Variants in DPP6 observed in about 807,000 individuals in gnomAD.
DPP6 encodes dipeptidyl peptidase like 6.
DPP6 carries 69 observed loss-of-function variants against 122.6 expected under a neutral mutation model. That is an observed-to-expected ratio of 0.56 (90% CI 0.46 to 0.69). The LOEUF (loss-of-function observed/expected upper bound fraction) is 0.69. Ranked by LOEUF, DPP6 falls within the 30% of genes least tolerant of loss-of-function variation. The pLI is 0.00. For synonymous variants in DPP6, 418 were observed against 433.1 expected, an observed-to-expected ratio of 0.97 and a Z score of 0.43; for missense variants, 928 against 1,116.9, an observed-to-expected ratio of 0.83 and a Z score of 2.41.
In DPP6 at chr7:154,540,621, A is replaced by C; in HGVS notation, c.547A>C (p.Lys183Gln). 6.4e-7 allele frequency: 1 copy of C among 1,561,048 alleles called. No homozygotes were observed. Among genetic ancestry groups the C allele is most frequent in the Non-Finnish European group, 8.7e-7 (1 of 1,150,138 alleles). The stretch of plus-strand genomic sequence containing the variant: ...TTCTACTGTCTTAATAGAAGGCAAA[A>C]AAATTGTAAGTACTCTCTTTAATGA... ...NTSTVLIEGKKIESLRAIRYE... is the reference protein window; with the variant it reads ...NTSTVLIEGKQIESLRAIRYE... Residue 183 changes from lysine (K) to glutamine (Q), a missense_variant, in exon 4 of 26, where the codon AAA becomes CAA. Transcript: ENST00000377770.
intron 7 of DPP6, among the ~76,000 whole-genome samples, chr7:154,686,456 C>A (rs79497559): frequency 1.3e-5 from 2 of 151,136 alleles, no homozygotes; most frequent in African/African-American, 4.9e-5. Flanking sequence ...GGATGTCTCC[C>A]GATACAGCAT....
At chr7:154,231,446 G>C (rs557041849) in intron 1 of DPP6, among the ~76,000 whole-genome samples, 1 of 152,302 alleles carries the variant, frequency 6.6e-6, no homozygotes, top group Non-Finnish European at 1.5e-5. Flanking sequence ...GCATCAGGCA[G>C]TATGATTAGA....
At chr7:154,034,260 A>G (rs1799405745) in intron 1 of DPP6, among the ~76,000 whole-genome samples, 2 of 152,220 alleles carry the variant, frequency 1.3e-5, no homozygotes, top group South Asian at 2.1e-4. Context: ...GCTAGTATGA[A>G]TCTTGACTTA....
intron 1 of DPP6, among the ~76,000 whole-genome samples, chr7:154,083,458 C>T (rs1363897557): frequency 6.6e-6 from 1 of 151,214 alleles, no homozygotes; most frequent in East Asian, 2.0e-4. Flanking sequence ...GCCATCCTCC[C>T]TACCCACCTC....
chr7:154,511,785 T>C (rs1268370894), intron 3 of DPP6, among the ~76,000 whole-genome samples: 1 of 152,194 alleles, frequency 6.6e-6, no homozygotes, highest in Non-Finnish European at 1.5e-5. Context: ...AATTATGATC[T>C]TACCATAGTG....
chr7:153,886,380 G>T (rs1399404640), upstream of DPP6, among the ~76,000 whole-genome samples: 1 of 152,156 alleles, frequency 6.6e-6, no homozygotes, highest in African/African-American at 2.4e-5. Flanking sequence ...TCTTGGGGTG[G>T]AGGTTAGAGA....
At chr7:154,133,511 G>A (rs1171304962) in intron 1 of DPP6, among the ~76,000 whole-genome samples, 2 of 152,120 alleles carry the variant, frequency 1.3e-5, no homozygotes, top group East Asian at 3.9e-4. Flanking sequence ...CTTTGAAAGT[G>A]GACACAGGAT....
the DPP6 span, among the ~76,000 whole-genome samples, chr7:153,868,932 G>A: frequency 6.6e-6 from 1 of 152,168 alleles, no homozygotes; most frequent in African/African-American, 2.4e-5. Flanking sequence ...TCAGGAGCAG[G>A]TTGTTCAGTT....
intron 1 of DPP6, among the ~76,000 whole-genome samples, chr7:154,354,604 C>T (rs983665118): frequency 6.6e-6 from 1 of 152,202 alleles, no homozygotes; most frequent in African/African-American, 2.4e-5. Flanking sequence ...ACCATCCATT[C>T]GGTTTGGCTT....
intron 1 of DPP6, among the ~76,000 whole-genome samples, chr7:154,251,880 C>T (rs1802370697): frequency 6.6e-6 from 1 of 151,128 alleles, no homozygotes; most frequent in Non-Finnish European, 1.5e-5. Context: ...AGTCCACTGA[C>T]TCAAATGTTA....
intron 7 of DPP6, among the ~76,000 whole-genome samples, chr7:154,686,641 G>C (rs1321331149): frequency 6.6e-6 from 1 of 152,164 alleles, no homozygotes; most frequent in African/African-American, 2.4e-5. Context: ...CTCCTGGAGA[G>C]GGTGGGTCAG....
At chr7:154,575,780 T>G (rs1253142770) in intron 5 of DPP6, among the ~76,000 whole-genome samples, 2 of 150,728 alleles carry the variant, frequency 1.3e-5, no homozygotes, top group Non-Finnish European at 3.0e-5. Context: ...TGTGTATGTA[T>G]GTGTGGTGTG....
At chr7:153,788,571 T>G in the DPP6 span, among the ~76,000 whole-genome samples, 1 of 152,210 alleles carries the variant, frequency 6.6e-6, no homozygotes, top group Non-Finnish European at 1.5e-5. Context: ...TGTCATTGAC[T>G]GTACATGTTT....
At chr7:154,357,275 CT>C (rs35476633) in intron 1 of DPP6, among the ~76,000 whole-genome samples, 17,547 of 120,584 alleles carry the variant, frequency 0.15, 1,305 homozygotes, top group African/African-American at 0.3. Context: ...TAATGTGGGG[CT>C]TTTTTTTTTT....
intron 8 of DPP6, among the ~76,000 whole-genome samples, chr7:154,758,390 G>A (rs1429028911): frequency 1.6e-5 from 1 of 63,056 alleles, no homozygotes; most frequent in Non-Finnish European, 3.3e-5. Flanking sequence ...TTTTTTTTTT[G>A]AGACAGAGTC....
intron 10 of DPP6, among the ~76,000 whole-genome samples, chr7:154,774,820 A>T (rs946467050): frequency 2.0e-5 from 3 of 152,104 alleles, no homozygotes; most frequent in African/African-American, 7.2e-5. Flanking sequence ...TGTGGAGGGG[A>T]ACCTGGATCC....
chr7:154,313,746 C>T (rs73167320), intron 1 of DPP6, among the ~76,000 whole-genome samples: 1,608 of 26,192 alleles, frequency 0.061, 293 homozygotes, highest in East Asian at 0.16. Context: ...CACACACACA[C>T]ACACACCCTT....
chr7:154,042,836 G>A (rs1258555757), intron 1 of DPP6, among the ~76,000 whole-genome samples: 1 of 152,222 alleles, frequency 6.6e-6, no homozygotes. Flanking sequence ...TCCTATAGCT[G>A]TGAAAATTGA....
intron 1 of DPP6, among the ~76,000 whole-genome samples, chr7:154,387,071 G>T (rs1814181221): frequency 6.6e-6 from 1 of 152,132 alleles, no homozygotes; most frequent in African/African-American, 2.4e-5. Flanking sequence ...ACATAGGCAA[G>T]GGGCGAAAGA....
Sources: allele counts gnomAD v4.1 joint callset (sites outside exome capture counted in the v4.1 genomes callset), GRCh38; gene constraint gnomAD v4.1.1; transcripts MANE v1.5; gene names NCBI Gene and HGNC (gene_info 2026-07-23, HGNC 2026-07-21).